FREM3: variants seen among roughly 807,000 people sequenced by gnomAD.
FREM3 encodes FRAS1-related extracellular matrix protein 3.
FREM3 carries 105 observed loss-of-function variants against 129.1 expected under a neutral mutation model. The observed-to-expected ratio is 0.81, with a 90% CI of 0.69 to 0.96. FREM3 has a LOEUF of 0.96. FREM3 is among the 40% of genes least tolerant of loss of function. The pLI is 0.00. For synonymous variants in FREM3, 1,014 were observed against 1,044.9 expected (o/e 0.97, Z 0.57); for missense variants, 2,593 against 2,666.3 (o/e 0.97, Z 0.61).
chr4:143,675,508 A>T (rs1740098502), intron 2 of FREM3, among the ~76,000 whole-genome samples: 1 of 152,196 alleles, frequency 6.6e-6, no homozygotes, highest in Non-Finnish European at 1.5e-5. Context: ...AACACATTCA[A>T]AAGCTAGCAG....
At chr4:143,612,169 T>C (rs1049727470) in intron 5 of FREM3, among the ~76,000 whole-genome samples, 24 of 152,354 alleles carry the variant, frequency 1.6e-4, no homozygotes, top group Middle Eastern at 3.4e-3. Flanking sequence ...CATATAATCA[T>C]GTGACCACCA....
intron 6 of FREM3, among the ~76,000 whole-genome samples, chr4:143,604,199 C>T (rs1334530763): frequency 6.6e-6 from 1 of 152,114 alleles, no homozygotes; most frequent in Admixed American, 6.5e-5. Flanking sequence ...AGGAGTGGAC[C>T]TTCTTGAGGC....
intron 2 of FREM3, among the ~76,000 whole-genome samples, chr4:143,691,351 A>T (rs1229458412): frequency 4.6e-5 from 7 of 152,092 alleles, no homozygotes; most frequent in Non-Finnish European, 1.0e-4. Flanking sequence ...AATCTCACAA[A>T]TCACCACCAA....
intron 2 of FREM3, among the ~76,000 whole-genome samples, 160 bp from the exon 3 acceptor site, chr4:143,627,920 T>A (rs1228932119): frequency 6.6e-6 from 1 of 152,166 alleles, no homozygotes; most frequent in East Asian, 1.9e-4. Flanking sequence ...TGTTTGCTTT[T>A]CTAGAGGATG....
intron 3 of FREM3, among the ~76,000 whole-genome samples, chr4:143,626,813 C>T (rs1289489984): frequency 6.6e-6 from 1 of 152,122 alleles, no homozygotes; most frequent in Non-Finnish European, 1.5e-5. Flanking sequence ...CTCATTTCTT[C>T]CCTGGCTTCT....
In FREM3 at chr4:143,700,442, C is replaced by T. The variant is rs1305595951; in HGVS notation, c.234G>A (p.Trp78Ter). ...TCACCAGATCCCGGAGCGGGTCGAG[C>T]CAAAGGGAACGACCCAGGGGCACCC... ...GLRVPLGRSL[W>*]LDPLRDLVIG... Residue 78 changes from tryptophan to a stop codon, truncating the protein, a stop_gained, in exon 1 of 8, where the codon TGG (tryptophan) becomes TGA (stop). Coordinates refer to ENST00000329798, the MANE Select transcript of FREM3 (RefSeq NM_001168235.2). LOFTEE classifies it high-confidence loss of function. The T allele has an allele frequency of 6.6e-7, 1 of 1,526,316 alleles. No homozygotes were observed. Among genetic ancestry groups the T allele is most frequent in the Middle Eastern group, 1.7e-4 (1 of 5,938 alleles). The allele number at this position is 1,526,316 out of a possible 1,614,324, so 94.5% of individuals were successfully genotyped here.
Position 143,699,708 on chromosome 4 carries a change from G to T in FREM3, c.968C>A (p.Thr323Lys). Residue 323 changes from threonine (T) to lysine (K), a missense_variant, in exon 1 of 8, where the codon ACA becomes AAA. By Grantham distance (78) the Thr-to-Lys change is moderately conservative (BLOSUM62 -1). Coordinates refer to ENST00000329798, the MANE Select transcript of FREM3 (RefSeq NM_001168235.2). The surrounding 1 kb of genome is among the most constrained non-coding windows in gnomAD (Gnocchi z 4.2). ...MMMEVDPLVL[T>K]ALTPDALAAE... ...GGCCAGTGCGTCAGGCGTCAGGGCT[G>T]TCAGCACCAGTGGATCCACCTCCAT... The T allele has an allele frequency of 6.6e-7, 1 of 1,520,538 alleles. No individual in the cohort carries two copies. The highest frequency in any genetic ancestry group is 1.4e-5 in the African/African-American group (1 of 72,954). 94.2% of individuals were successfully genotyped at this position (1,520,538 alleles called of 1,614,324 possible). A position where few individuals can be genotyped will look rare whatever the true frequency, so the allele number is the denominator to read the frequency against.
In FREM3 at chr4:143,698,911, T is replaced by A. The variant is rs1740634800; in HGVS notation, c.1765A>T (p.Lys589Ter). 1 of 1,537,284 alleles carries A rather than the reference T, an allele frequency of 6.5e-7. No individual in the cohort carries two copies. Among genetic ancestry groups the A allele is most frequent in the Non-Finnish European group, 8.7e-7 (1 of 1,146,954 alleles). ...CACTGAGGCTCTTCCTCATTTCCTT[T>A]TAGGGGCTGGTTCTCCAGCACAAAG... Reference protein sequence around the residue: ...IHFVLENQPLKGNEEEPQWEL... With the variant: ...IHFVLENQPL Residue 589 changes from lysine (K) to a stop codon, truncating the protein, a stop_gained, in exon 1 of 8, where the codon AAA becomes TAA. Transcript: ENST00000329798. LOFTEE classifies it high-confidence loss of function.
In FREM3 at chr4:143,624,105, T is replaced by TA. The variant is rs1374408101; in HGVS notation, c.5653+2dup. ...ATAAAGCAAATCAATCAGTGTCACA[T>TA]ACCATCTCCAGGGTCTACAATTTCA... On this transcript the variant is annotated splice_region_variant and intron_variant, in intron 4 of 7. Coordinates refer to ENST00000329798, the MANE Select transcript of FREM3 (RefSeq NM_001168235.2). 6.7e-7 allele frequency: 1 copy of TA among 1,488,208 alleles called. No individual in the cohort carries two copies. Among genetic ancestry groups the TA allele is most frequent in the South Asian group, 1.2e-5 (1 of 83,082 alleles). The allele number at this position is 1,488,208 out of a possible 1,614,324, so 92.2% of individuals were successfully genotyped here.
At chr4:143,678,589 A>C (rs955219953) in intron 2 of FREM3, among the ~76,000 whole-genome samples, 9 of 152,124 alleles carry the variant, frequency 5.9e-5, no homozygotes, top group African/African-American at 2.2e-4. Context: ...TGTTTGAAGC[A>C]ACTATGGAAT....
In FREM3 at chr4:143,696,743, G is replaced by T. The variant is rs548939022; in HGVS notation, c.3933C>A (p.Val1311=). 1 of 1,537,844 alleles carries T rather than the reference G, an allele frequency of 6.5e-7. No individual in the cohort carries two copies. Among genetic ancestry groups the T allele is most frequent in the South Asian group, 1.2e-5 (1 of 84,040 alleles). Residue 1311 remains valine (V), a synonymous_variant, in exon 1 of 8, where the codon GTC becomes GTA. Coordinates refer to ENST00000329798, the MANE Select transcript of FREM3 (RefSeq NM_001168235.2). ...LVDDETPHLT[V]NNGLKVEKGH... ...CTTTCTCTACCTTCAGCCCATTGTT[G>T]ACAGTCAGGTGAGGAGTTTCATCAT...
At chr4:143,655,089 G>A (rs1398695393) in intron 2 of FREM3, among the ~76,000 whole-genome samples, 1 of 151,868 alleles carries the variant, frequency 6.6e-6, no homozygotes, top group East Asian at 1.9e-4. Flanking sequence ...GGGGTGCAAG[G>A]CAGCAGAAAG....
chr4:143,615,826 C>T (rs1001639716), intron 5 of FREM3, among the ~76,000 whole-genome samples: 1 of 148,302 alleles, frequency 6.7e-6, no homozygotes, highest in East Asian at 1.9e-4. Flanking sequence ...AGAAGGGATT[C>T]CCATTCAGAA....
intron 6 of FREM3, among the ~76,000 whole-genome samples, chr4:143,594,604 T>G (rs767117971): frequency 1.3e-5 from 2 of 152,198 alleles, no homozygotes; most frequent in Non-Finnish European, 2.9e-5. Context: ...GGAATTATAT[T>G]GTGTGGCATT....
chr4:143,675,762 C>T (rs1433077802), intron 2 of FREM3, among the ~76,000 whole-genome samples: 4 of 152,294 alleles, frequency 2.6e-5, no homozygotes, highest in Non-Finnish European at 4.4e-5. Flanking sequence ...ACTATAAACA[C>T]CTCTATGCAA....
At chr4:143,657,887 T>C (rs17018045) in intron 2 of FREM3, among the ~76,000 whole-genome samples, 3,893 of 152,214 alleles carry the variant, frequency 0.026, 171 homozygotes, top group African/African-American at 0.088. Flanking sequence ...CCAGTGCCCA[T>C]GCCAGAAATC....
intron 2 of FREM3, among the ~76,000 whole-genome samples, chr4:143,667,452 T>C (rs950584726): frequency 1.3e-4 from 20 of 152,230 alleles, no homozygotes; most frequent in Non-Finnish European, 2.6e-4. Context: ...GGGAAATCTA[T>C]TACAAGTCTT....
intron 2 of FREM3, among the ~76,000 whole-genome samples, chr4:143,658,938 G>A (rs988357028): frequency 6.6e-6 from 1 of 151,692 alleles, no homozygotes; most frequent in East Asian, 1.9e-4. Flanking sequence ...CTTTGCTTTT[G>A]CTGTTTCTCC....
intron 2 of FREM3, among the ~76,000 whole-genome samples, chr4:143,675,685 G>A (rs1179737168): frequency 6.6e-6 from 1 of 152,076 alleles, no homozygotes; most frequent in Non-Finnish European, 1.5e-5. Flanking sequence ...TCAAACAGAT[G>A]CAATAAAAAA....
Sources: allele counts gnomAD v4.1 joint callset (sites outside exome capture counted in the v4.1 genomes callset), GRCh38; gene constraint gnomAD v4.1.1; non-coding constraint Gnocchi (gnomAD v3.1); transcripts MANE v1.5; gene names NCBI Gene and HGNC (gene_info 2026-07-23, HGNC 2026-07-21).